GALNT13: variants seen among roughly 807,000 people sequenced by gnomAD.
GALNT13 encodes the protein UDP-GalNAc:polypeptide N-acetylgalactosaminyltransferase 13.
In GALNT13, 28 loss-of-function variants were observed where a neutral mutation model predicts 64.2. That is an observed-to-expected ratio of 0.44 (90% CI 0.32 to 0.60). The LOEUF is 0.60. Ranked by LOEUF, GALNT13 falls within the 20% of genes least tolerant of loss-of-function variation. The pLI, the probability that GALNT13 is intolerant of heterozygous loss-of-function variation, is 0.05. For synonymous variants in GALNT13, 214 were observed against 224.6 expected, an observed-to-expected ratio of 0.95 and a Z score of 0.42; for missense variants, 577 against 669.8, an observed-to-expected ratio of 0.86 and a Z score of 1.53.
intron 1 of GALNT13, among the ~76,000 whole-genome samples, chr2:153,875,126 A>G (rs927847307): frequency 6.6e-6 from 1 of 151,932 alleles, no homozygotes; most frequent in African/African-American, 2.4e-5. Flanking sequence ...ATATATATAT[A>G]TATGAGATGT....
At chr2:154,281,908 T>TA (rs1304901040) in intron 8 of GALNT13, among the ~76,000 whole-genome samples, 4 of 152,016 alleles carry the variant, frequency 2.6e-5, no homozygotes, top group African/African-American at 7.3e-5. Flanking sequence ...AGGCATCCTT[T>TA]AAAAAAACCT....
the GALNT13 span, among the ~76,000 whole-genome samples, chr2:153,803,553 G>A: frequency 6.6e-6 from 1 of 151,902 alleles, no homozygotes; most frequent in Non-Finnish European, 1.5e-5. Context: ...TTAGCCGGGC[G>A]CTGTGGCGGG....
At chr2:153,833,714 T>C in the GALNT13 span, among the ~76,000 whole-genome samples, 1 of 152,052 alleles carries the variant, frequency 6.6e-6, no homozygotes, top group Non-Finnish European at 1.5e-5. Flanking sequence ...GAAGACTACT[T>C]TATACGAAAC....
chr2:154,241,465 A>T (rs1161474927), intron 4 of GALNT13, among the ~76,000 whole-genome samples: 1 of 152,178 alleles, frequency 6.6e-6, no homozygotes, highest in African/African-American at 2.4e-5. Flanking sequence ...AAACATAGGG[A>T]AATTTTAGAG....
Position 154,211,557 on chromosome 2 carries a change from G to A in GALNT13, c.312-30473G>A, listed in dbSNP as rs187806951. 6.4e-5 allele frequency among the ~76,000 whole-genome samples: 9 copies of A among 140,210 alleles called. No homozygotes were observed. In the East Asian group the frequency reaches 1.8e-3, roughly 27 times the overall value. The allele number at this position is 140,210 out of a possible 152,430, so 92.0% of individuals were successfully genotyped here. A position where few individuals can be genotyped will look rare whatever the true frequency, so the allele number is the denominator to read the frequency against. On this transcript the variant is annotated intron_variant, in intron 4 of 12. Coordinates refer to ENST00000392825, the MANE Select transcript of GALNT13 (RefSeq NM_052917.4). ...TCAGGATAATCGATTGAACCCGGGA[G>A]GCAGATTTTGCAGTGAGCCAAGATT...
chr2:153,886,971 A>C (rs1476126490), intron 1 of GALNT13, among the ~76,000 whole-genome samples: 2 of 152,030 alleles, frequency 1.3e-5, no homozygotes, highest in Non-Finnish European at 2.9e-5. Flanking sequence ...TAGTTTAAAA[A>C]TTCTTATATC....
chr2:154,126,206 A>G (rs745909547), intron 3 of GALNT13, among the ~76,000 whole-genome samples: 3 of 152,182 alleles, frequency 2.0e-5, no homozygotes, highest in Non-Finnish European at 2.9e-5. Flanking sequence ...AATGATTACT[A>G]AAATCATGGA....
At chr2:153,745,743 C>T in the GALNT13 span, among the ~76,000 whole-genome samples, 1 of 152,058 alleles carries the variant, frequency 6.6e-6, no homozygotes, top group African/African-American at 2.4e-5. Context: ...TTTTTTGAAA[C>T]ATGGTCACAC....
intron 3 of GALNT13, among the ~76,000 whole-genome samples, chr2:154,081,977 A>G (rs1701293475): frequency 1.3e-5 from 2 of 151,712 alleles, no homozygotes; most frequent in South Asian, 2.1e-4. Flanking sequence ...CTAAAATAGC[A>G]TAGCTTTCTA....
chr2:153,328,946 G>A, the GALNT13 span, among the ~76,000 whole-genome samples: 26 of 152,220 alleles, frequency 1.7e-4, no homozygotes, highest in African/African-American at 6.3e-4. Flanking sequence ...ATAGGCACCC[G>A]AGGGAATCTC....
At chr2:153,396,250 T>C in the GALNT13 span, among the ~76,000 whole-genome samples, 2 of 152,062 alleles carry the variant, frequency 1.3e-5, no homozygotes, top group Admixed American at 6.6e-5. Context: ...ACAGGGAATA[T>C]GTAGTGAATA....
At chr2:154,046,703 G>A (rs1699307175) in intron 3 of GALNT13, among the ~76,000 whole-genome samples, 1 of 152,050 alleles carries the variant, frequency 6.6e-6, no homozygotes, top group African/African-American at 2.4e-5. Flanking sequence ...TCAACAGGGT[G>A]GGGCCCTAAT....
At chr2:153,917,031 A>T (rs1442490222) in intron 2 of GALNT13, among the ~76,000 whole-genome samples, 1 of 152,152 alleles carries the variant, frequency 6.6e-6, no homozygotes, top group Non-Finnish European at 1.5e-5. Flanking sequence ...GAAATTATAC[A>T]CCTCTGGGCC....
the GALNT13 span, among the ~76,000 whole-genome samples, chr2:153,453,721 A>G: frequency 2.0e-5 from 3 of 152,206 alleles, no homozygotes; most frequent in African/African-American, 7.2e-5. Flanking sequence ...CTTCCCAAAG[A>G]ACTTACAACA....
At chr2:154,407,632 C>T (rs1364376059) in intron 10 of GALNT13, among the ~76,000 whole-genome samples, 1 of 151,984 alleles carries the variant, frequency 6.6e-6, no homozygotes, top group African/African-American at 2.4e-5. Flanking sequence ...AGCCCGTGCC[C>T]TTTCCTTGTA....
chr2:154,391,932 G>A (rs978250044), intron 9 of GALNT13, among the ~76,000 whole-genome samples: 2 of 152,166 alleles, frequency 1.3e-5, no homozygotes, highest in African/African-American at 4.8e-5. Flanking sequence ...ATTTTGATAG[G>A]AAGGTCAGAA....
At chr2:153,376,540 T>C in the GALNT13 span, among the ~76,000 whole-genome samples, 1 of 152,110 alleles carries the variant, frequency 6.6e-6, no homozygotes, top group Admixed American at 6.6e-5. Flanking sequence ...CTTTGTTATA[T>C]GAATAAAGAG....
chr2:153,938,237 T>C (rs1433633183), intron 2 of GALNT13, among the ~76,000 whole-genome samples: 1 of 152,112 alleles, frequency 6.6e-6, no homozygotes, highest in Non-Finnish European at 1.5e-5. Context: ...TTTGGTATGG[T>C]AGTAATGGAA....
the GALNT13 span, among the ~76,000 whole-genome samples, chr2:153,151,108 T>G: frequency 6.6e-6 from 1 of 152,116 alleles, no homozygotes; most frequent in African/African-American, 2.4e-5. Context: ...GAGCATGGAA[T>G]GTTCTTCCAT....
Sources: gnomAD v4.1 joint callset for allele counts (sites outside exome capture counted in the v4.1 genomes callset) on GRCh38, gnomAD v4.1.1 for gene constraint, MANE v1.5 for transcripts, NCBI Gene and HGNC (gene_info 2026-07-23, HGNC 2026-07-21) for gene names.